The following GSE1 variants were observed in gnomAD, a reference collection of about 807,000 sequenced individuals.
GSE1 encodes the protein Gse1 coiled-coil protein.
GSE1 carries 32 observed loss-of-function variants against 112.6 expected under a neutral mutation model. The observed-to-expected ratio is 0.28, with a 90% CI of 0.21 to 0.38. The LOEUF (loss-of-function observed/expected upper bound fraction) is 0.38. Among genes scored for constraint, GSE1 ranks in the 10% least tolerant of loss-of-function variants. GSE1 has a pLI of 1.00. For missense variants in GSE1, 2,348 were observed against 1,699.2 expected, an observed-to-expected ratio of 1.38 and a Z score of -6.71; for synonymous variants, 1,115 against 735.6, an observed-to-expected ratio of 1.52 and a Z score of -8.35.
intron 2 of GSE1, among the ~76,000 whole-genome samples, chr16:85,435,791 A>G (rs2049233621): frequency 6.6e-6 from 1 of 152,080 alleles, no homozygotes; most frequent in South Asian, 2.1e-4. Context: ...TCATCTGTGC[A>G]AGAGGCCTGG....
intron 2 of GSE1, among the ~76,000 whole-genome samples, chr16:85,528,199 C>T (rs532817146): frequency 1.3e-5 from 2 of 152,240 alleles, no homozygotes; most frequent in African/African-American, 4.8e-5. Flanking sequence ...ATGAGGGCCT[C>T]GAACAAACAG....
intron 2 of GSE1, among the ~76,000 whole-genome samples, chr16:85,378,396 C>T (rs1230054805): frequency 5.3e-5 from 8 of 152,238 alleles, no homozygotes; most frequent in Middle Eastern, 3.4e-3. Context: ...TCCCAGCCTG[C>T]GCCTGGCAGT....
chr16:85,180,081 G>A (rs972441540), intron 1 of GSE1, among the ~76,000 whole-genome samples: 1 of 152,366 alleles, frequency 6.6e-6, no homozygotes, highest in South Asian at 2.1e-4. Context: ...TGAGCCCATG[G>A]CTCTCAGGTT....
Position 85,194,023 on chromosome 16 carries a change from A to G in GSE1, c.2283+22216A>G, listed in dbSNP as rs2074879544. Among the ~76,000 whole-genome samples, 6 of 152,152 alleles carry G rather than the reference A, an allele frequency of 3.9e-5. No homozygotes were observed. In the South Asian group the frequency reaches 1.2e-3, roughly 32 times the overall value. On this transcript the variant is annotated intron_variant, in intron 1 of 2. Transcript: ENST00000637419. The stretch of plus-strand genomic sequence containing the variant: ...TGTGTGTAGCCTGCTTCATTTTTGA[A>G]AAAGGAAATGAGGCTCTGGGAGGTG...
intron 2 of GSE1, among the ~76,000 whole-genome samples, chr16:85,489,126 G>C (rs979814842): frequency 3.9e-5 from 6 of 152,156 alleles, no homozygotes; most frequent in Non-Finnish European, 7.4e-5. Context: ...CACAGCCTGG[G>C]CAACGCAGGA....
chr16:85,654,824 C>T lies in GSE1; in HGVS notation c.630C>T (p.Pro210=), dbSNP rs780899092. The change falls in exon 5 of 16, where the codon CCC becomes CCT. Residue 210 remains proline, a synonymous_variant. Transcript: ENST00000253458. The part of the protein sequence containing the change: ...NLQRPVHHVV[P]PSTVTEDYLR... The stretch of plus-strand genomic sequence containing the variant: ...AGCGGCCCGTGCACCACGTGGTGCC[C>T]CCCAGTACCGTGACCGAGGACTACC... 2 of 1,611,954 alleles carry T rather than the reference C, an allele frequency of 1.2e-6. No homozygotes were observed. The highest frequency in any genetic ancestry group is 8.5e-7 in the Non-Finnish European group (1 of 1,179,538).
chr16:85,517,010 G>C (rs1371088578), intron 2 of GSE1, among the ~76,000 whole-genome samples: 2 of 152,118 alleles, frequency 1.3e-5, no homozygotes, highest in Non-Finnish European at 2.9e-5. Flanking sequence ...TGTTAGCCAG[G>C]ACGGTCTCGA....
chr16:85,233,341 T>G (rs117147143), intron 1 of GSE1, among the ~76,000 whole-genome samples: 14 of 152,202 alleles, frequency 9.2e-5, no homozygotes, highest in Non-Finnish European at 1.8e-4. Context: ...GTTGACAGAA[T>G]TGTCACCAAA....
chr16:85,590,313 C>A (rs2046938436), intron 1 of GSE1, among the ~76,000 whole-genome samples: 1 of 142,854 alleles, frequency 7.0e-6, no homozygotes, highest in South Asian at 2.3e-4. Context: ...CGCATGGGCC[C>A]ATGTGTGAAT....
chr16:85,506,336 C>T lies in GSE1; in HGVS notation c.2465-127578C>T, dbSNP rs181316798. Among the ~76,000 whole-genome samples, 18 of 152,184 alleles carry T rather than the reference C, an allele frequency of 1.2e-4. No homozygotes were observed. In the East Asian group the frequency reaches 2.5e-3, roughly 21 times the overall value. ...AATGTAAATAGCCACATGTGGCTAC[C>T]GTATGGATGGCTTGGCTGTATGTGG... On this transcript the variant is annotated intron_variant, in intron 2 of 2. Transcript: ENST00000637419.
chr16:85,374,704 G>C lies in GSE1; in HGVS notation c.2464+17061G>C, dbSNP rs1188867494. On this transcript the variant is annotated intron_variant, in intron 2 of 2. Transcript: ENST00000637419. ...CCCTGGAGGGGGTAGGGGGTGGATGGGCCCAGTGGATGCGTTCGAGCTGCT... is the reference window on the plus strand; with the variant it reads ...CCCTGGAGGGGGTAGGGGGTGGATGCGCCCAGTGGATGCGTTCGAGCTGCT... 2.0e-5 allele frequency among the ~76,000 whole-genome samples: 3 copies of C among 152,270 alleles called. No individual in the cohort carries two copies. The East Asian group carries it at 5.8e-4, about 29-fold the overall frequency.
chr16:85,667,051 C>CTT (rs1477976041), intron 13 of GSE1, among the ~76,000 whole-genome samples: 1 of 152,248 alleles, frequency 6.6e-6, no homozygotes, highest in Non-Finnish European at 1.5e-5. Context: ...ATATCAGGGA[C>CTT]TTGAACATCC....
intron 1 of GSE1, among the ~76,000 whole-genome samples, chr16:85,244,522 G>A (rs575904670): frequency 1.2e-3 from 182 of 152,278 alleles, no homozygotes; most frequent in African/African-American, 4.2e-3. Context: ...GGTATCATTT[G>A]TTACAACAGC....
chr16:85,646,214 C>G (rs1313802818), intron 2 of GSE1, among the ~76,000 whole-genome samples: 2 of 145,438 alleles, frequency 1.4e-5, no homozygotes, highest in African/African-American at 5.7e-5. Flanking sequence ...TGCATGCATT[C>G]TACCTGCTTC....
At chr16:85,585,014 T>G (rs1027813788) in intron 1 of GSE1, among the ~76,000 whole-genome samples, 3 of 152,188 alleles carry the variant, frequency 2.0e-5, no homozygotes, top group Non-Finnish European at 4.4e-5. Flanking sequence ...AGACCTCGTC[T>G]TCCAAGGCCA....
chr16:85,555,191 G>A (rs2045139880), upstream of GSE1: 4 of 985,424 alleles, frequency 4.1e-6, no homozygotes, highest in Non-Finnish European at 4.8e-6. Flanking sequence ...CTGTCAGGCA[G>A]CCAGCTTTCC....
At chr16:85,183,513 G>C (rs1348603839) in intron 1 of GSE1, among the ~76,000 whole-genome samples, 1 of 152,234 alleles carries the variant, frequency 6.6e-6, no homozygotes, top group East Asian at 1.9e-4. Context: ...CCTCACCCCT[G>C]TGGTCCTCTG....
intron 2 of GSE1, among the ~76,000 whole-genome samples, chr16:85,550,311 G>T (rs999781003): frequency 6.6e-6 from 1 of 152,128 alleles, no homozygotes; most frequent in Non-Finnish European, 1.5e-5. Flanking sequence ...CAAGCTGCTC[G>T]ACCTCTCTGT....
At chr16:85,483,559 C>A (rs569544710) in intron 2 of GSE1, among the ~76,000 whole-genome samples, 5 of 152,408 alleles carry the variant, frequency 3.3e-5, no homozygotes, top group African/African-American at 1.2e-4. Flanking sequence ...TTCTCTTCCA[C>A]CAGGCGATGC....
Sources: gnomAD v4.1 joint callset for allele counts (sites outside exome capture counted in the v4.1 genomes callset) on GRCh38, gnomAD v4.1.1 for gene constraint, MANE v1.5 for transcripts, NCBI Gene and HGNC (gene_info 2026-07-23, HGNC 2026-07-21) for gene names.